CIB2: variants seen among roughly 807,000 people sequenced by gnomAD.
CIB2 encodes the protein calcium and integrin-binding family member 2.
CIB2 carries 19 observed loss-of-function variants against 23.1 expected under a neutral mutation model. That is an observed-to-expected ratio of 0.82 (90% confidence interval 0.57 to 1.21). The LOEUF (loss-of-function observed/expected upper bound fraction) is 1.21. Among genes scored for constraint, CIB2 ranks in the 50% most tolerant of loss-of-function variants. The probability of loss-of-function intolerance (pLI) is 0.00; values close to 1 mark genes in which losing one functional copy is unlikely to be tolerated. For synonymous variants in CIB2, 94 were observed against 91.7 expected, an observed-to-expected ratio of 1.03 and a Z score of -0.14; for missense variants, 220 against 241.5, an observed-to-expected ratio of 0.91 and a Z score of 0.59.
At chr15:78,109,211 GC>G (rs1239465049) in intron 4 of CIB2, 23 bp downstream of exon 4, 3 of 1,564,320 alleles carry the variant, frequency 1.9e-6, no homozygotes, top group South Asian at 1.2e-5. Flanking sequence ...GCATATTCAG[GC>G]CCCCTCCTCT....
chr15:78,131,112 AG>A lies in CIB2; in HGVS notation c.51+52del. The A allele has an allele frequency of 2.9e-6, 4 of 1,384,266 alleles. No homozygotes were observed. The highest frequency in any genetic ancestry group is 2.9e-6 in the Non-Finnish European group (3 of 1,040,196). 85.7% of individuals were successfully genotyped at this position (1,384,266 alleles called of 1,614,324 possible). Reference sequence around the variant, plus strand: ...CCTCGGCCAGCGACCGAGAAAAGGGAGGGGCGGCGGGGCGGCGGGGCCTGTG... The same window carrying A: ...CCTCGGCCAGCGACCGAGAAAAGGGAGGGCGGCGGGGCGGCGGGGCCTGTG... On this transcript the variant is annotated intron_variant, in intron 1 of 5. Coordinates refer to ENST00000258930, the MANE Select transcript of CIB2 (RefSeq NM_006383.4). The surrounding 1 kb of genome is among the most constrained non-coding windows in gnomAD (Gnocchi z 5.8).
intron 3 of CIB2, chr15:78,109,627 C>A: frequency 1.9e-6 from 1 of 539,418 alleles, no homozygotes. Flanking sequence ...AGGAAGCATT[C>A]TACTGGGTCA....
chr15:78,118,022 T>G (rs1465945285), intron 2 of CIB2, among the ~76,000 whole-genome samples: 2 of 152,368 alleles, frequency 1.3e-5, no homozygotes, highest in East Asian at 3.9e-4. Context: ...GCTGGAAATC[T>G]AAATGTTCAA....
At chr15:78,108,483 A>G (rs1273626280) in intron 4 of CIB2, among the ~76,000 whole-genome samples, 1 of 152,006 alleles carries the variant, frequency 6.6e-6, no homozygotes, top group African/African-American at 2.4e-5. Context: ...GCTGTGGGAG[A>G]AGCATGAGTC....
chr15:78,104,962 C>T lies in CIB2; in HGVS notation c.*349G>A. On this transcript the variant is annotated 3_prime_UTR_variant, in exon 6 of 6. Coordinates refer to ENST00000258930, the MANE Select transcript of CIB2 (RefSeq NM_006383.4). The surrounding 1 kb of genome is among the most constrained non-coding windows in gnomAD (Gnocchi z 4.4). ...ACCAGGGTGTCTGCCAGCACTTGGA[C>T]ACGTCAGACCCCACCACCTCCTGTT... 1 of 287,828 alleles carries T rather than the reference C, an allele frequency of 3.5e-6. No individual in the cohort carries two copies. Among genetic ancestry groups the T allele is most frequent in the Non-Finnish European group, 6.7e-6 (1 of 148,198 alleles). 17.8% of individuals were successfully genotyped at this position (287,828 alleles called of 1,614,324 possible). A position where few individuals can be genotyped will look rare whatever the true frequency, so the allele number is the denominator to read the frequency against.
chr15:78,110,288 C>G (rs1596349952), intron 3 of CIB2, among the ~76,000 whole-genome samples: 1 of 152,238 alleles, frequency 6.6e-6, no homozygotes, highest in Non-Finnish European at 1.5e-5. Context: ...GGCTCAGAGA[C>G]AGACCACTTG....
chr15:78,107,966 G>A (rs2074096135), intron 4 of CIB2, among the ~76,000 whole-genome samples: 1 of 152,124 alleles, frequency 6.6e-6, no homozygotes, highest in African/African-American at 2.4e-5. Context: ...GAGGTCGGGA[G>A]TTCGAGACCA....
chr15:78,120,229 T>C (rs573045451), intron 2 of CIB2, among the ~76,000 whole-genome samples: 1 of 152,228 alleles, frequency 6.6e-6, no homozygotes, highest in Non-Finnish European at 1.5e-5. Context: ...GATAAACACA[T>C]ACAAAAGAAA....
At chr15:78,120,826 C>A in intron 2 of CIB2, 1 of 735,710 alleles carries the variant, frequency 1.4e-6, no homozygotes, top group Non-Finnish European at 1.7e-6. Context: ...AGCAGCTTAC[C>A]AAGAAAACCA....
At chr15:78,109,192 T>TCCCC (rs3214707) in intron 4 of CIB2, 43 bp downstream of exon 4, 10 of 1,242,330 alleles carry the variant, frequency 8.0e-6, no homozygotes, top group African/African-American at 5.0e-5. Flanking sequence ...CCCCACATGT[T>TCCCC]CCCCCACCGC....
At chr15:78,114,564 C>G (rs1181592027) in intron 2 of CIB2, among the ~76,000 whole-genome samples, 2 of 151,950 alleles carry the variant, frequency 1.3e-5, no homozygotes, top group Admixed American at 6.6e-5. Context: ...TAACAAGAAC[C>G]CTGATACAAG....
chr15:78,120,505 C>T (rs1012168789), intron 2 of CIB2: 67 of 977,098 alleles, frequency 6.9e-5, no homozygotes, highest in Non-Finnish European at 7.8e-5. Context: ...GGACTACTGT[C>T]CCGCTGATTA....
intron 2 of CIB2, among the ~76,000 whole-genome samples, chr15:78,116,852 GA>G (rs1233753865): frequency 6.6e-6 from 1 of 151,778 alleles, no homozygotes. Context: ...AGGCCAAGGG[GA>G]AAGGATTGCT....
At chr15:78,124,503 T>A (rs895044510) in intron 1 of CIB2, among the ~76,000 whole-genome samples, 1 of 152,018 alleles carries the variant, frequency 6.6e-6, no homozygotes, top group African/African-American at 2.4e-5. Context: ...ACTGCCTCTA[T>A]CCACAGCTTG....
At chr15:78,110,385 C>T (rs2141889804) in intron 3 of CIB2, among the ~76,000 whole-genome samples, 1 of 152,322 alleles carries the variant, frequency 6.6e-6, no homozygotes, top group East Asian at 1.9e-4. Flanking sequence ...GGTGCTGGTC[C>T]AGGGCTGAGC....
intron 3 of CIB2, chr15:78,110,608 G>A (rs541557565): frequency 1.8e-5 from 8 of 451,506 alleles, no homozygotes; most frequent in Admixed American, 9.6e-5. Flanking sequence ...CTCATGAAAC[G>A]AAACATTCAG....
chr15:78,106,232 A>G (rs1216922718), intron 4 of CIB2, among the ~76,000 whole-genome samples: 1 of 152,216 alleles, frequency 6.6e-6, no homozygotes, highest in East Asian at 1.9e-4. Context: ...CTTAGGCCAG[A>G]TAGCCCTTCC....
intron 2 of CIB2, among the ~76,000 whole-genome samples, chr15:78,122,816 G>T (rs186926533): frequency 1.3e-5 from 2 of 152,216 alleles, no homozygotes; most frequent in African/African-American, 4.8e-5. Flanking sequence ...TAGCAGCCTG[G>T]GTAGAGAGGA....
intron 2 of CIB2, among the ~76,000 whole-genome samples, chr15:78,118,314 G>T: frequency 6.6e-6 from 1 of 151,818 alleles, no homozygotes; most frequent in East Asian, 1.9e-4. Context: ...GTGATAAATG[G>T]CTGGGCAGTG....
Sources: gnomAD v4.1 joint callset for allele counts (sites outside exome capture counted in the v4.1 genomes callset) on GRCh38, gnomAD v4.1.1 for gene constraint, Gnocchi (gnomAD v3.1) non-coding constraint, MANE v1.5 for transcripts, NCBI Gene and HGNC (gene_info 2026-07-23, HGNC 2026-07-21) for gene names.